ADAMTS7: variants seen among roughly 807,000 people sequenced by gnomAD.
ADAMTS7 encodes ADAM metallopeptidase with thrombospondin type 1 motif 7.
A neutral mutation model predicts 172.6 loss-of-function variants in ADAMTS7; 89 were observed. The observed-to-expected ratio is 0.52, with a 90% CI of 0.43 to 0.61. The LOEUF (loss-of-function observed/expected upper bound fraction) is 0.61, where lower values mean the gene tolerates loss of function less well. Among genes scored for constraint, ADAMTS7 ranks in the 20% least tolerant of loss-of-function variants. The pLI is 0.00. For synonymous variants in ADAMTS7, 885 were observed against 978.4 expected, an observed-to-expected ratio of 0.90 and a Z score of 1.78; for missense variants, 1,973 against 2,355.6, an observed-to-expected ratio of 0.84 and a Z score of 3.36.
Position 78,790,722 on chromosome 15 carries a change from T to G in ADAMTS7, c.976A>C (p.Met326Leu). 6.2e-7 allele frequency: 1 copy of G among 1,614,008 alleles called. No homozygotes were observed. Among genetic ancestry groups the G allele is most frequent in the Non-Finnish European group, 8.5e-7 (1 of 1,179,982 alleles). Residue 326 changes from methionine (M) to leucine (L), a missense_variant, in exon 6 of 24, where the codon ATG (methionine) becomes CTG (leucine). Physicochemically the swap from Met to Leu is conservative, Grantham distance 15. Coordinates refer to ENST00000388820, the MANE Select transcript of ADAMTS7 (RefSeq NM_014272.5). Reference protein sequence around the residue: ...SFCKWQKSINMKGDAHPLHHD... With the variant: ...SFCKWQKSINLKGDAHPLHHD... ...TGCAGGGGATGGGCATCCCCCTTCA[T>G]GTTGATGCTTTTCTGCCACTTGCAG...
intron 1 of ADAMTS7, among the ~76,000 whole-genome samples, chr15:78,803,069 A>G (rs538366286): frequency 6.6e-6 from 1 of 152,292 alleles, no homozygotes; most frequent in Non-Finnish European, 1.5e-5. Flanking sequence ...ACAGTTATCA[A>G]AATAATTTAA....
intron 17 of ADAMTS7, 28 bp from the exon 18 acceptor site, chr15:78,767,620 T>C (rs1234116941): frequency 2.0e-6 from 3 of 1,515,324 alleles, no homozygotes; most frequent in East Asian, 2.5e-5. Context: ...GTGGCATCAG[T>C]GTGGCATCAG....
chr15:78,789,120 GA>G (rs1171863113), intron 7 of ADAMTS7, among the ~76,000 whole-genome samples: 3 of 152,230 alleles, frequency 2.0e-5, no homozygotes, highest in Non-Finnish European at 2.9e-5. Context: ...AACGTTCTGG[GA>G]GCCTGCCTTT....
chr15:78,807,685 G>A (rs116646566), intron 1 of ADAMTS7, among the ~76,000 whole-genome samples: 23 of 136,494 alleles, frequency 1.7e-4, no homozygotes, highest in African/African-American at 5.4e-4. Flanking sequence ...GAGTTAGTAT[G>A]TAAGTGCTTA....
At chr15:78,769,483 A>G (rs1411162890) in intron 16 of ADAMTS7, among the ~76,000 whole-genome samples, 1 of 152,224 alleles carries the variant, frequency 6.6e-6, no homozygotes, top group South Asian at 2.1e-4. Context: ...GGTCTGGGAC[A>G]CAGTACTGGC....
At position 78,768,132 on chromosome 15, in the gene ADAMTS7, C is replaced by T. The variant is rs866735050; in HGVS notation, c.2645+1G>A. On this transcript the variant is annotated splice_donor_variant, in intron 17 of 23. Coordinates refer to ENST00000388820, the MANE Select transcript of ADAMTS7 (RefSeq NM_014272.5). LOFTEE classifies it high-confidence loss of function. Reference sequence around the variant, plus strand: ...TTGGCGGGGGATGGGGGCGGGCTCACCTGGCAGGGCAGGGCTGCTCGCTGC... The same window carrying T: ...TTGGCGGGGGATGGGGGCGGGCTCATCTGGCAGGGCAGGGCTGCTCGCTGC... 1 of 1,495,118 alleles carries T rather than the reference C, an allele frequency of 6.7e-7. No individual in the cohort carries two copies. Among genetic ancestry groups the T allele is most frequent in the Non-Finnish European group, 8.9e-7 (1 of 1,119,854 alleles). 92.6% of individuals were successfully genotyped at this position (1,495,118 alleles called of 1,614,324 possible).
At chr15:78,768,376 T>C in intron 16 of ADAMTS7, 117 bp from the exon 17 acceptor site, 1 of 1,429,018 alleles carries the variant, frequency 7.0e-7, no homozygotes, top group South Asian at 1.2e-5. Context: ...CGTGTCAGGA[T>C]GCCTTACTGC....
At position 78,773,111 on chromosome 15, in the gene ADAMTS7, G is replaced by C. The variant is rs781017283; in HGVS notation, c.2103C>G (p.Ser701Arg). 11 of 1,524,438 alleles carry C rather than the reference G, an allele frequency of 7.2e-6. No individual in the cohort carries two copies. In the South Asian group the frequency reaches 1.3e-4, roughly 18 times the overall value. 94.4% of individuals were successfully genotyped at this position (1,524,438 alleles called of 1,614,324 possible). ...HGNGSTCHTVSGTFEEAEGLG... is the reference protein window; with the variant it reads ...HGNGSTCHTVRGTFEEAEGLG... ...GGCCCTCGGCCTCCTCGAAGGTCCC[G>C]CTCACGGTGTGGCAGGTGGAGCCGT... The change falls in exon 14 of 24, where the codon AGC (serine) becomes AGG (arginine). Residue 701 changes from serine to arginine, a missense_variant. By Grantham distance (110) the Ser-to-Arg change is moderately radical (BLOSUM62 -1). Transcript: ENST00000388820.
Position 78,771,186 on chromosome 15 carries a change from T to A in ADAMTS7, c.2494A>T (p.Lys832Ter). The change falls in exon 16 of 24, where the codon AAG becomes TAG. Residue 832 changes from lysine to a stop codon, truncating the protein, a stop_gained. Transcript: ENST00000388820. LOFTEE classifies it high-confidence loss of function. This position sits in a 1 kb window ranked among gnomAD's most constrained non-coding sequence, Gnocchi z 4.9. ...CCTCTGCCGCAGGTGACTGTGCACT[T>A]GGTCCAGGGCCCATAATGCCAGGAG... ...VFSWHYGPWTKCTVTCGRGVQ... is the reference protein window; with the variant it reads ...VFSWHYGPWT 1.9e-6 allele frequency: 3 copies of A among 1,610,926 alleles called. No individual in the cohort carries two copies. The highest frequency in any genetic ancestry group is 2.5e-6 in the Non-Finnish European group (3 of 1,179,256).
Position 78,798,093 on chromosome 15 carries a change from G to A in ADAMTS7, c.477C>T (p.Ser159=). 6.4e-7 allele frequency: 1 copy of A among 1,559,926 alleles called. No homozygotes were observed. The highest frequency in any genetic ancestry group is 8.6e-7 in the Non-Finnish European group (1 of 1,160,936). ...GGGGCTCAATGAAGTAGTCCTCGTT[G>A]GAGAGCTGGAACACACCTTTCTGGG... is the stretch of plus-strand genomic sequence containing the variant. ...CDGLKGVFQL[S]NEDYFIEPLD... is the part of the protein sequence containing the mutation. Residue 159 remains serine (S), a synonymous_variant, in exon 3 of 24, where the codon TCC becomes TCT. Coordinates refer to ENST00000388820, the MANE Select transcript of ADAMTS7 (RefSeq NM_014272.5).
chr15:78,773,994 G>A (rs892540840), intron 13 of ADAMTS7, among the ~76,000 whole-genome samples, 173 bp downstream of exon 13: 11 of 152,200 alleles, frequency 7.2e-5, no homozygotes, highest in African/African-American at 2.2e-4. Context: ...TGGGAAGCCC[G>A]ATGGTAGAGC....
intron 10 of ADAMTS7, 132 bp downstream of exon 10, chr15:78,776,617 G>T: frequency 3.0e-6 from 3 of 1,007,034 alleles, no homozygotes; most frequent in Non-Finnish European, 2.9e-6. Context: ...ATGGGGGCTT[G>T]GGCTGCAGAG....
intron 1 of ADAMTS7, among the ~76,000 whole-genome samples, chr15:78,805,187 G>T (rs779304668): frequency 6.6e-6 from 1 of 152,240 alleles, no homozygotes. Context: ...GATTTAAGGC[G>T]ACTTCTTGCT....
At chr15:78,784,253 T>C (rs1455986304) in intron 8 of ADAMTS7, among the ~76,000 whole-genome samples, 1 of 151,924 alleles carries the variant, frequency 6.6e-6, no homozygotes, top group Non-Finnish European at 1.5e-5. Context: ...TTGTCCCAGC[T>C]ACTCGGGATG....
intron 4 of ADAMTS7, among the ~76,000 whole-genome samples, chr15:78,792,677 G>A (rs1382350105): frequency 7.9e-5 from 12 of 152,192 alleles, no homozygotes; most frequent in Admixed American, 7.2e-4. Flanking sequence ...GCTCGGCATA[G>A]TGGTGCATGC....
intron 4 of ADAMTS7, among the ~76,000 whole-genome samples, chr15:78,793,782 C>T (rs781133364): frequency 6.6e-6 from 1 of 152,238 alleles, no homozygotes; most frequent in Non-Finnish European, 1.5e-5. Context: ...CCCCATCCTT[C>T]TGGCCCACCC....
Position 78,774,275 on chromosome 15 carries a change from C to T in ADAMTS7, c.1902G>A (p.Arg634=), listed in dbSNP as rs1280693973. ...NDVNPCELHC[R]PANEYFAEKL... ...TCTCGGCAAAGTACTCATTCGCGGGCCGGCAGTGCAGCTCGCAGGGGTTCA... is the reference window on the plus strand; with the variant it reads ...TCTCGGCAAAGTACTCATTCGCGGGTCGGCAGTGCAGCTCGCAGGGGTTCA... The change falls in exon 13 of 24, where the codon CGG becomes CGA. Residue 634 remains arginine (R), a synonymous_variant. Transcript: ENST00000388820. 6.3e-7 allele frequency: 1 copy of T among 1,576,068 alleles called. No individual in the cohort carries two copies. The highest frequency in any genetic ancestry group is 1.1e-5 in the South Asian group (1 of 87,284).
chr15:78,778,587 G>A (rs1313495251), intron 8 of ADAMTS7, among the ~76,000 whole-genome samples: 2 of 152,180 alleles, frequency 1.3e-5, no homozygotes, highest in African/African-American at 2.4e-5. Context: ...GGAGAATTGA[G>A]CCACACAGAC....
At chr15:78,782,473 C>T (rs2904218) in intron 8 of ADAMTS7, among the ~76,000 whole-genome samples, 230 of 142,570 alleles carry the variant, frequency 1.6e-3, no homozygotes, top group African/African-American at 5.2e-3. Context: ...TTAAGCCCCA[C>T]AGTGAGTGGA....
Sources: gnomAD v4.1 joint callset for allele counts (sites outside exome capture counted in the v4.1 genomes callset) on GRCh38, gnomAD v4.1.1 for gene constraint, Gnocchi (gnomAD v3.1) non-coding constraint, MANE v1.5 for transcripts, NCBI Gene and HGNC (gene_info 2026-07-23, HGNC 2026-07-21) for gene names.